Variants in GGCX observed in about 807,000 individuals in gnomAD.
The protein encoded by GGCX is vitamin K-dependent gamma-carboxylase.
In GGCX, 63 loss-of-function variants were observed where a neutral mutation model predicts 88.5. The observed-to-expected ratio is 0.71, with a 90% CI of 0.58 to 0.88. GGCX has a LOEUF of 0.88. Among genes scored for constraint, GGCX ranks in the 40% least tolerant of loss-of-function variants. GGCX has a pLI of 0.00. For missense variants in GGCX, 805 were observed against 932.9 expected, an observed-to-expected ratio of 0.86 and a Z score of 1.79; for synonymous variants, 368 against 365.8, an observed-to-expected ratio of 1.01 and a Z score of -0.07.
intron 2 of GGCX, among the ~76,000 whole-genome samples, 155 bp downstream of exon 2, chr2:85,560,660 A>C (rs1259882184): frequency 6.6e-6 from 1 of 152,120 alleles, no homozygotes; most frequent in Non-Finnish European, 1.5e-5. Flanking sequence ...TAGGAGACAA[A>C]GCAGGTTTAA....
rs1692116287 is a variant in GGCX, at chr2:85,554,454, T to TCTGTTG, written c.726-149_726-148insCAACAG. ...CCCATGAAGACACTCCTCTAGGTTG[T>TCTGTTG]TTGTTGTTGTTGTTGTTGTTGTTGT... On this transcript the variant is annotated intron_variant, in intron 6 of 14. Coordinates refer to ENST00000233838, the MANE Select transcript of GGCX (RefSeq NM_000821.7). 1.3e-4 allele frequency: 81 copies of TCTGTTG among 645,710 alleles called. 1 individual carries two copies. In the South Asian group the frequency reaches 1.3e-3, roughly 10 times the overall value. 40.0% of individuals were successfully genotyped at this position (645,710 alleles called of 1,614,324 possible).
Position 85,544,940 on chromosome 2 carries a change from T to G in GGCX, c.*4994A>C, listed in dbSNP as rs1305968246. Reference sequence around the variant, plus strand: ...CCTCAGATGGCAGCTTTTAAAAGATTTTTTTTTTTTCTCTCAACACCATGA... The same window carrying G: ...CCTCAGATGGCAGCTTTTAAAAGATGTTTTTTTTTTCTCTCAACACCATGA... On this transcript the variant is annotated 3_prime_UTR_variant, in exon 15 of 15. Transcript: ENST00000233838. 2 of 150,380 alleles carry G rather than the reference T, an allele frequency of 1.3e-5. No homozygotes were observed. Among genetic ancestry groups the G allele is most frequent in the Non-Finnish European group, 3.0e-5 (2 of 67,230 alleles). The allele number at this position is 150,380 out of a possible 1,614,324, so 9.3% of individuals were successfully genotyped here.
intron 9 of GGCX, 84 bp from the exon 10 acceptor site, chr2:85,552,651 C>A: frequency 7.6e-7 from 1 of 1,320,658 alleles, no homozygotes; most frequent in Non-Finnish European, 1.1e-6. Context: ...ACAACGAGAT[C>A]CCTGCCTGCT....
Position 85,551,086 on chromosome 2 carries a change from AGAAAT to A in GGCX, c.1741-19_1741-15del, listed in dbSNP as rs1691928409. The A allele has an allele frequency of 6.2e-7, 1 of 1,612,714 alleles. No homozygotes were observed. Among genetic ancestry groups the A allele is most frequent in the Non-Finnish European group, 8.5e-7 (1 of 1,178,806 alleles). On this transcript the variant is annotated splice_polypyrimidine_tract_variant and intron_variant, in intron 12 of 14. Coordinates refer to ENST00000233838, the MANE Select transcript of GGCX (RefSeq NM_000821.7). Reference sequence around the variant, plus strand: ...ACCAGCAGGCAACTGACAAGGGAGAAGAAATGGATAAATTTCATCAGCTTTTCTCT... The same window carrying A: ...ACCAGCAGGCAACTGACAAGGGAGAAGGATAAATTTCATCAGCTTTTCTCT...
chr2:85,549,580 C>T lies in GGCX; in HGVS notation c.*354G>A, dbSNP rs1244561212. 2.8e-5 allele frequency: 8 copies of T among 286,740 alleles called. No individual in the cohort carries two copies. Among genetic ancestry groups the T allele is most frequent in the East Asian group, 2.0e-4 (2 of 10,148 alleles). The allele number at this position is 286,740 out of a possible 1,614,324, so 17.8% of individuals were successfully genotyped here. ...TTTGCCATGTTGGCCAGGCTGGTCT[C>T]GAACTCCTGGCCTCAAGTGATCTGC... On this transcript the variant is annotated 3_prime_UTR_variant, in exon 15 of 15. Transcript: ENST00000233838.
At chr2:85,554,060 C>T in intron 7 of GGCX, 83 bp downstream of exon 7, 1 of 1,096,768 alleles carries the variant, frequency 9.1e-7, no homozygotes. Flanking sequence ...ACACCACCCT[C>T]TCCCACTCCC....
chr2:85,558,377 C>T, intron 4 of GGCX, 63 bp downstream of exon 4: 1 of 1,324,898 alleles, frequency 7.5e-7, no homozygotes. Flanking sequence ...CTCACTGGGC[C>T]CCTATCTCTG....
At chr2:85,553,578 A>G in intron 7 of GGCX, 81 bp from the exon 8 acceptor site, 2 of 1,351,818 alleles carry the variant, frequency 1.5e-6, no homozygotes, top group Non-Finnish European at 1.1e-6. Context: ...GACTTCTCCC[A>G]GGTGTTCCAC....
intron 4 of GGCX, among the ~76,000 whole-genome samples, chr2:85,557,907 T>G (rs1303733089): frequency 1.3e-5 from 2 of 152,094 alleles, no homozygotes; most frequent in Non-Finnish European, 2.9e-5. Flanking sequence ...CCACCTTATC[T>G]CCAAATCCCT....
At chr2:85,554,410 G>T in intron 6 of GGCX, 104 bp from the exon 7 acceptor site, 1 of 961,662 alleles carries the variant, frequency 1.0e-6, no homozygotes, top group Non-Finnish European at 1.7e-6. Context: ...CTGGGTAGAT[G>T]CCTAAGGTAC....
At chr2:85,561,264 C>T (rs979043394) in intron 1 of GGCX, 122 bp downstream of exon 1, 7 of 675,390 alleles carry the variant, frequency 1.0e-5, no homozygotes, top group Non-Finnish European at 1.8e-5. Flanking sequence ...CAGCACGCCC[C>T]CTTCCCCACA....
intron 9 of GGCX, 39 bp downstream of exon 9, chr2:85,552,900 C>A: frequency 6.2e-7 from 1 of 1,611,012 alleles, no homozygotes; most frequent in Non-Finnish European, 8.5e-7. Flanking sequence ...CACAAGGGGG[C>A]TCTGAAGAAC....
In GGCX at chr2:85,546,891, A is replaced by C. The variant is rs1691693387; in HGVS notation, c.*3043T>G. The C allele has an allele frequency of 6.6e-6, 1 of 152,254 alleles. No individual in the cohort carries two copies. The highest frequency in any genetic ancestry group is 6.5e-5 in the Admixed American group (1 of 15,286). The allele number at this position is 152,254 out of a possible 1,614,324, so 9.4% of individuals were successfully genotyped here. On this transcript the variant is annotated 3_prime_UTR_variant, in exon 15 of 15. Transcript: ENST00000233838. ...CATTGCAGATAACCATATTGGCTACATTAGGGGAATGAGCATGGATAGGTG... is the reference window on the plus strand; with the variant it reads ...CATTGCAGATAACCATATTGGCTACCTTAGGGGAATGAGCATGGATAGGTG...
intron 10 of GGCX, among the ~76,000 whole-genome samples, chr2:85,552,190 G>A (rs530250695): frequency 1.3e-5 from 2 of 152,252 alleles, no homozygotes; most frequent in East Asian, 1.9e-4. Context: ...TACCTGAGAA[G>A]GTATTATGTC....
intron 2 of GGCX, among the ~76,000 whole-genome samples, chr2:85,560,514 A>T (rs1692389888): frequency 6.6e-6 from 1 of 152,028 alleles, no homozygotes; most frequent in Non-Finnish European, 1.5e-5. Flanking sequence ...GAGGGAGGAG[A>T]ATCGCTTTAA....
rs150990432 is a variant in GGCX, at chr2:85,551,947, C to T, written c.1474G>A (p.Ala492Thr). The T allele has an allele frequency of 4.3e-6, 7 of 1,613,838 alleles. No homozygotes were observed. Among genetic ancestry groups the T allele is most frequent in the South Asian group, 1.1e-5 (1 of 91,074 alleles). The change falls in exon 11 of 15, where the codon GCT becomes ACT. Residue 492 changes from alanine (A) to threonine (T), a missense_variant. Coordinates refer to ENST00000233838, the MANE Select transcript of GGCX (RefSeq NM_000821.7). The stretch of plus-strand genomic sequence containing the variant: ...GATGTGCGCTGAAAGGGTGACCAAG[C>T]GGCCTGCACGATGTCCACACGAGGG... Reference protein sequence around the residue: ...FDPRVDIVQAAWSPFQRTSWV... With the variant: ...FDPRVDIVQATWSPFQRTSWV...
At chr2:85,551,424 C>G (rs952239466) in intron 12 of GGCX, 56 bp downstream of exon 12, 167 of 1,578,296 alleles carry the variant, frequency 1.1e-4, no homozygotes, top group Non-Finnish European at 1.3e-4. Flanking sequence ...GCTGGGATTA[C>G]TGGTGTGAGC....
Position 85,553,325 on chromosome 2 carries a change from C to T in GGCX, c.1062G>A (p.Gln354=), listed in dbSNP as rs1168438689. 1.5e-5 allele frequency: 25 copies of T among 1,614,132 alleles called. No individual in the cohort carries two copies. The highest frequency in any genetic ancestry group is 2.0e-5 in the Non-Finnish European group (24 of 1,180,040). ...VYKRSRGKSG[Q]KPGLRHQLGA... ...CCAGCTGATGGCGCAGCCCTGGCTT[C>T]TGGCCACTTTTGCCCCGGCTCCTCT... Residue 354 remains glutamine (Q), a synonymous_variant, in exon 8 of 15, where the codon CAG becomes CAA. Transcript: ENST00000233838.
Position 85,550,253 on chromosome 2 carries a change from A to G in GGCX, c.2085-127T>C, listed in dbSNP as rs540845874. ...AGGCATATATGGGAATCTCCCCCCA[A>G]GTGACCCTCCATCTCCCAGCTGGAA... is the stretch of plus-strand genomic sequence containing the variant. On this transcript the variant is annotated intron_variant, in intron 14 of 14. Coordinates refer to ENST00000233838, the MANE Select transcript of GGCX (RefSeq NM_000821.7). The G allele has an allele frequency of 3.0e-5, 22 of 740,026 alleles. No individual in the cohort carries two copies. The African/African-American group carries it at 3.1e-4, about 11-fold the overall frequency. 45.8% of individuals were successfully genotyped at this position (740,026 alleles called of 1,614,324 possible).
Sources: gnomAD v4.1 joint callset for allele counts (sites outside exome capture counted in the v4.1 genomes callset) on GRCh38, gnomAD v4.1.1 for gene constraint, MANE v1.5 for transcripts, NCBI Gene and HGNC (gene_info 2026-07-23, HGNC 2026-07-21) for gene names.